Variants in ULK4 observed in about 807,000 individuals in gnomAD.
ULK4 encodes the protein inactive serine/threonine-protein kinase ULK4.
ULK4 carries 133 observed loss-of-function variants against 160.6 expected under a neutral mutation model. The ratio of observed to expected loss-of-function variants is 0.83; its 90% CI spans 0.72 to 0.96. The LOEUF is 0.96. Ranked by LOEUF, ULK4 falls within the 40% of genes least tolerant of loss-of-function variation. The pLI, the probability that ULK4 is intolerant of heterozygous loss-of-function variation, is 0.00. For missense variants in ULK4, 1,580 were observed against 1,499.5 expected, an observed-to-expected ratio of 1.05 and a Z score of -0.89; for synonymous variants, 534 against 539.8, an observed-to-expected ratio of 0.99 and a Z score of 0.15.
intron 17 of ULK4, among the ~76,000 whole-genome samples, chr3:41,878,102 A>AG (rs71075491): frequency 3.4e-5 from 5 of 148,446 alleles, no homozygotes; most frequent in Admixed American, 6.7e-5. Flanking sequence ...AAAAAAAAAA[A>AG]CCTAGAGAAC....
intron 17 of ULK4, among the ~76,000 whole-genome samples, chr3:41,857,746 T>G (rs2042394803): frequency 6.6e-6 from 1 of 152,240 alleles, no homozygotes; most frequent in Non-Finnish European, 1.5e-5. Flanking sequence ...TCCAATTTAT[T>G]GGCATATAGT....
chr3:41,907,937 G>T lies in ULK4; in HGVS notation c.1090C>A (p.Arg364Ser). The T allele has an allele frequency of 6.3e-7, 1 of 1,599,082 alleles. No individual in the cohort carries two copies. The highest frequency in any genetic ancestry group is 1.1e-5 in the South Asian group (1 of 88,458). The change falls in exon 12 of 37, where the codon CGT (arginine) becomes AGT (serine). Residue 364 changes from arginine (R) to serine (S), a missense_variant. Coordinates refer to ENST00000301831, the MANE Select transcript of ULK4 (RefSeq NM_017886.4). Reference sequence around the variant, plus strand: ...GCAGTGCTAGTTCTGGGAGTAGGACGAGAACTGAAAAATACAAACCAGTTA... The same window carrying T: ...GCAGTGCTAGTTCTGGGAGTAGGACTAGAACTGAAAAATACAAACCAGTTA... Reference protein sequence around the residue: ...LNESMFLLSSRPTPRTSTAVE... With the variant: ...LNESMFLLSSSPTPRTSTAVE...
In ULK4 at chr3:41,907,849, G is replaced by A. The variant is rs748292015; in HGVS notation, c.1178C>T (p.Thr393Ile). ...HCSPQKTSPL[T>I]KITSGHLSQQ... ...AAATTTCCCAAGTCTGCTCACCTTG[G>A]TCAGAGGAGAAGTCTTCTGTGGTGA... The change falls in exon 12 of 37, where the codon ACC becomes ATC. Residue 393 changes from threonine (T) to isoleucine (I), a missense_variant. Physicochemically the swap from Thr to Ile is moderately conservative, Grantham distance 89. Transcript: ENST00000301831. 2 of 1,575,052 alleles carry A rather than the reference G, an allele frequency of 1.3e-6. No homozygotes were observed. The highest frequency in any genetic ancestry group is 1.7e-6 in the Non-Finnish European group (2 of 1,162,788).
At chr3:41,751,024 AGGAGGG>A (rs2038608924) in intron 22 of ULK4, among the ~76,000 whole-genome samples, 1 of 22,514 alleles carries the variant, frequency 4.4e-5, no homozygotes, top group Non-Finnish European at 8.5e-5. Flanking sequence ...GAGGGTGGGA[AGGAGGG>A]AGGGAAGGAG....
intron 34 of ULK4, among the ~76,000 whole-genome samples, chr3:41,446,253 T>C (rs1281594773): frequency 1.3e-5 from 2 of 152,040 alleles, no homozygotes; most frequent in African/African-American, 4.8e-5. Context: ...TGTGGAGAAA[T>C]AGGAACATTT....
intron 32 of ULK4, among the ~76,000 whole-genome samples, chr3:41,493,677 G>C (rs1393865686): frequency 6.6e-6 from 1 of 150,476 alleles, no homozygotes; most frequent in Admixed American, 6.6e-5. Context: ...TTGATAGACT[G>C]CTAGCAAGAC....
intron 1 of ULK4, among the ~76,000 whole-genome samples, chr3:41,955,994 G>A (rs751102252): frequency 6.6e-6 from 1 of 152,088 alleles, no homozygotes; most frequent in Non-Finnish European, 1.5e-5. Context: ...GGGAACCTAA[G>A]GCTGTTTCAC....
Position 41,754,218 on chromosome 3 carries a change from A to G in ULK4, c.2321+143T>C, listed in dbSNP as rs2038719801. 6 of 911,116 alleles carry G rather than the reference A, an allele frequency of 6.6e-6. No individual in the cohort carries two copies. The Admixed American group carries it at 1.3e-4, about 20-fold the overall frequency. 56.4% of individuals were successfully genotyped at this position (911,116 alleles called of 1,614,324 possible). On this transcript the variant is annotated intron_variant, in intron 22 of 36. Coordinates refer to ENST00000301831, the MANE Select transcript of ULK4 (RefSeq NM_017886.4). ...CTGGGTCCTCAGTACTTCCAAGCTG[A>G]GATTACAGGTGAAATATTAAGCCCC...
chr3:41,695,158 T>C (rs1167553090), intron 27 of ULK4, among the ~76,000 whole-genome samples: 2 of 152,226 alleles, frequency 1.3e-5, no homozygotes, highest in African/African-American at 4.8e-5. Context: ...ACTAATTCCA[T>C]TCATGAGAGG....
chr3:41,691,943 C>CTTTTTTTT (rs751734628), intron 27 of ULK4, among the ~76,000 whole-genome samples: 2 of 96,346 alleles, frequency 2.1e-5, no homozygotes, highest in Non-Finnish European at 3.8e-5. Flanking sequence ...CAAATCACTT[C>CTTTTTTTT]TTTTTTTTTT....
At chr3:41,278,598 G>A (rs958661374) in intron 35 of ULK4, among the ~76,000 whole-genome samples, 2 of 152,190 alleles carry the variant, frequency 1.3e-5, no homozygotes, top group Non-Finnish European at 2.9e-5. Flanking sequence ...AGCTTCCAGA[G>A]GAAGGATCAG....
intron 22 of ULK4, among the ~76,000 whole-genome samples, chr3:41,744,038 T>G (rs563636145): frequency 6.6e-6 from 1 of 151,930 alleles, no homozygotes; most frequent in African/African-American, 2.4e-5. Context: ...AAGTTATGTA[T>G]GTATATTGCA....
At chr3:41,776,426 T>C (rs544719273) in intron 21 of ULK4, among the ~76,000 whole-genome samples, 2 of 150,860 alleles carry the variant, frequency 1.3e-5, no homozygotes, top group Admixed American at 6.6e-5. Flanking sequence ...TTTAGTCTTA[T>C]GTCAGAAAAA....
At chr3:41,306,195 CCCCCA>C (rs1369004257) in intron 35 of ULK4, among the ~76,000 whole-genome samples, 975 of 89,036 alleles carry the variant, frequency 0.011, 145 homozygotes, top group East Asian at 0.058. Context: ...GGGGGTCAGC[CCCCCA>C]CCCCGCCCGG....
At chr3:41,269,935 A>G (rs907504917) in intron 35 of ULK4, among the ~76,000 whole-genome samples, 1 of 152,180 alleles carries the variant, frequency 6.6e-6, no homozygotes, top group Non-Finnish European at 1.5e-5. Context: ...GAAAGGTGCA[A>G]TGAAAATACT....
intron 32 of ULK4, among the ~76,000 whole-genome samples, chr3:41,511,764 G>A (rs1441630915): frequency 2.0e-5 from 3 of 152,004 alleles, no homozygotes; most frequent in Admixed American, 6.6e-5. Flanking sequence ...GAATAAAGAG[G>A]AAATCTCCCC....
chr3:41,512,181 C>G (rs1052103250), intron 32 of ULK4, among the ~76,000 whole-genome samples: 1 of 152,128 alleles, frequency 6.6e-6, no homozygotes, highest in Non-Finnish European at 1.5e-5. Context: ...TTATACTCAA[C>G]AGGGAAAAGT....
chr3:41,604,003 C>T (rs554163177), intron 31 of ULK4, among the ~76,000 whole-genome samples: 1 of 152,140 alleles, frequency 6.6e-6, no homozygotes, highest in African/African-American at 2.4e-5. Flanking sequence ...GCTAAAGAGA[C>T]AGCAACAGCC....
intron 35 of ULK4, among the ~76,000 whole-genome samples, chr3:41,391,152 A>G (rs2081949196): frequency 3.9e-5 from 6 of 152,116 alleles, no homozygotes; most frequent in Admixed American, 3.9e-4. Flanking sequence ...AAATCATTCA[A>G]AAAGTTCCCA....
Sources: gnomAD v4.1 joint callset for allele counts (sites outside exome capture counted in the v4.1 genomes callset) on GRCh38, gnomAD v4.1.1 for gene constraint, MANE v1.5 for transcripts, NCBI Gene and HGNC (gene_info 2026-07-23, HGNC 2026-07-21) for gene names.